TRPM6: variants seen among roughly 807,000 people sequenced by gnomAD.
TRPM6 encodes transient receptor potential cation channel subfamily M member 6.
Under a neutral mutation model 247.6 loss-of-function variants are expected in TRPM6, and 111 were observed. The ratio of observed to expected loss-of-function variants is 0.45; its 90% CI spans 0.38 to 0.52. TRPM6 has a LOEUF of 0.52. TRPM6 is among the 20% of genes least tolerant of loss of function. The pLI, the probability that TRPM6 is intolerant of heterozygous loss-of-function variation, is 0.00. For synonymous variants in TRPM6, 892 were observed against 853.8 expected (o/e 1.04, Z -0.78); for missense variants, 2,126 against 2,421.5 (o/e 0.88, Z 2.56).
At chr9:74,810,625 A>G (rs1828696881) in intron 13 of TRPM6, among the ~76,000 whole-genome samples, 190 bp downstream of exon 13, 1 of 152,232 alleles carries the variant, frequency 6.6e-6, no homozygotes. Context: ...CTTTTAAAAC[A>G]TAAAGTAAAT....
At chr9:74,765,845 C>T (rs1826809839) in intron 25 of TRPM6, among the ~76,000 whole-genome samples, 1 of 152,124 alleles carries the variant, frequency 6.6e-6, no homozygotes, top group Non-Finnish European at 1.5e-5. Flanking sequence ...AGAGTGGCAC[C>T]TTCCATTTTT....
At chr9:74,846,237 C>T (rs1830102945) in intron 3 of TRPM6, among the ~76,000 whole-genome samples, 2 of 152,268 alleles carry the variant, frequency 1.3e-5, no homozygotes, top group East Asian at 1.9e-4. Context: ...TCAATACAAA[C>T]AAGTCAATTT....
intron 3 of TRPM6, among the ~76,000 whole-genome samples, chr9:74,847,924 G>A (rs562893173): frequency 6.6e-6 from 1 of 152,216 alleles, no homozygotes; most frequent in East Asian, 1.9e-4. Flanking sequence ...TCCAGCGGGT[G>A]CCCAAAACCG....
At chr9:74,830,866 G>C (rs1360743844) in intron 6 of TRPM6, among the ~76,000 whole-genome samples, 1 of 132,358 alleles carries the variant, frequency 7.6e-6, no homozygotes, top group Admixed American at 8.5e-5. Context: ...GCCTCCCAAA[G>C]TACTGGGGTT....
rs141395982 is a variant in TRPM6 at position 74,774,180 on chromosome 9, T to C, written c.3403+1703A>G. Among the ~76,000 whole-genome samples, 656 of 152,326 alleles carry C rather than the reference T, an allele frequency of 4.3e-3. 4 individuals carry two copies. Among genetic ancestry groups the C allele is most frequent in the African/African-American group, 0.015 (628 of 41,570 alleles). On this transcript the variant is annotated intron_variant, in intron 24 of 38. Coordinates refer to ENST00000360774, the MANE Select transcript of TRPM6 (RefSeq NM_017662.5). ...ATGTTCCACAAAGCTCAGGGTGAAT[T>C]CATTTTAAACTTTACTTGAGTTTTA...
chr9:74,783,817 T>C (rs114316842), intron 21 of TRPM6, among the ~76,000 whole-genome samples: 332 of 152,304 alleles, frequency 2.2e-3, no homozygotes, highest in African/African-American at 7.6e-3. Flanking sequence ...TTCTGTCCTC[T>C]TTGTTTGTTT....
chr9:74,853,389 T>A (rs1483797803), intron 3 of TRPM6, among the ~76,000 whole-genome samples: 3 of 152,166 alleles, frequency 2.0e-5, no homozygotes, highest in African/African-American at 7.2e-5. Context: ...CGGGCCATGA[T>A]GACGATGGCG....
At chr9:74,870,364 A>G (rs1371274203) in intron 1 of TRPM6, among the ~76,000 whole-genome samples, 2 of 152,194 alleles carry the variant, frequency 1.3e-5, no homozygotes, top group East Asian at 3.8e-4. Flanking sequence ...ATCTACACTA[A>G]GGGAATAGGA....
intron 1 of TRPM6, among the ~76,000 whole-genome samples, chr9:74,862,184 C>A (rs969071527): frequency 1.3e-5 from 2 of 151,400 alleles, no homozygotes; most frequent in Admixed American, 6.6e-5. Flanking sequence ...ACCCTGCCAA[C>A]CTCGTAATAG....
intron 1 of TRPM6, among the ~76,000 whole-genome samples, chr9:74,870,078 C>T (rs376821342): frequency 9.9e-5 from 15 of 152,240 alleles, no homozygotes; most frequent in South Asian, 6.2e-4. Flanking sequence ...CTTTTTATTA[C>T]CCACACTTCC....
Position 74,873,650 on chromosome 9 carries a change from T to G in TRPM6, c.33+14174A>C, listed in dbSNP as rs1002672465. ...CTAAGAGATTTCCAACAATTATCAA[T>G]TAAGAATATCCCCTCCCCTAAATCA... On this transcript the variant is annotated intron_variant, in intron 1 of 38. Transcript: ENST00000360774. 3.3e-5 allele frequency among the ~76,000 whole-genome samples: 5 copies of G among 152,296 alleles called. No individual in the cohort carries two copies. In the South Asian group the frequency reaches 6.2e-4, roughly 19 times the overall value.
intron 3 of TRPM6, among the ~76,000 whole-genome samples, chr9:74,849,433 G>C (rs1830220166): frequency 6.6e-6 from 1 of 150,448 alleles, no homozygotes; most frequent in Non-Finnish European, 1.5e-5. Context: ...GTCCTTAGAA[G>C]AAGGAGAGAT....
rs1212446742 is a variant in TRPM6 at position 74,762,719 on chromosome 9, C to T, written c.3952G>A (p.Glu1318Lys). The stretch of plus-strand genomic sequence containing the variant: ...ATACTACTTTGTGTTTCTTGCCTTT[C>T]CTGGTCATTTCTTACATTTGTAGCC... ...REATNVRNDQ[E>K]RQETQSSIVV... Residue 1318 changes from glutamate (E) to lysine (K), a missense_variant, in exon 26 of 39, where the codon GAA becomes AAA. Coordinates refer to ENST00000360774, the MANE Select transcript of TRPM6 (RefSeq NM_017662.5). 6.2e-7 allele frequency: 1 copy of T among 1,614,156 alleles called. No homozygotes were observed. The highest frequency in any genetic ancestry group is 2.2e-5 in the East Asian group (1 of 44,876).
chr9:74,804,591 C>T, intron 14 of TRPM6: 1 of 748,016 alleles, frequency 1.3e-6, no homozygotes, highest in Middle Eastern at 3.7e-4. Context: ...TGCTTCAGCT[C>T]CTGAGTTCAC....
At chr9:74,801,429 C>T (rs990273495) in intron 16 of TRPM6, among the ~76,000 whole-genome samples, 1 of 151,950 alleles carries the variant, frequency 6.6e-6, no homozygotes, top group Non-Finnish European at 1.5e-5. Context: ...TACTATAACA[C>T]TTTAGTAACT....
chr9:74,862,732 G>A (rs140708506), intron 1 of TRPM6, among the ~76,000 whole-genome samples: 3,238 of 152,072 alleles, frequency 0.021, 120 homozygotes, highest in African/African-American at 0.073. Context: ...CTGTAATCCC[G>A]GCACTTTGGG....
chr9:74,856,723 AAAAATAATAAAAC>A (rs1830537329), intron 2 of TRPM6, among the ~76,000 whole-genome samples: 1 of 152,178 alleles, frequency 6.6e-6, no homozygotes, highest in African/African-American at 2.4e-5. Context: ...TGGGAGCTAC[AAAAATAATAAAAC>A]AAACTTTTAT....
chr9:74,881,695 C>T (rs1831370390), intron 1 of TRPM6, among the ~76,000 whole-genome samples: 1 of 152,126 alleles, frequency 6.6e-6, no homozygotes, highest in African/African-American at 2.4e-5. Flanking sequence ...CAAAACACAT[C>T]TCAACTAATT....
At chr9:74,880,929 T>C (rs1353249361) in intron 1 of TRPM6, among the ~76,000 whole-genome samples, 1 of 152,082 alleles carries the variant, frequency 6.6e-6, no homozygotes. Flanking sequence ...CCCAGATCAA[T>C]AATAACCGTG....
Sources: allele counts gnomAD v4.1 joint callset (sites outside exome capture counted in the v4.1 genomes callset), GRCh38; gene constraint gnomAD v4.1.1; transcripts MANE v1.5; gene names NCBI Gene and HGNC (gene_info 2026-07-23, HGNC 2026-07-21).